Variants in KDM4B observed in about 807,000 individuals in gnomAD.
The protein encoded by KDM4B is lysine demethylase 4B.
KDM4B carries 32 observed loss-of-function variants against 125.2 expected under a neutral mutation model. The ratio of observed to expected loss-of-function variants is 0.26; its 90% CI spans 0.19 to 0.34. The LOEUF (loss-of-function observed/expected upper bound fraction) is 0.34. Among genes scored for constraint, KDM4B ranks in the 10% least tolerant of loss-of-function variants. The probability of loss-of-function intolerance (pLI) is 1.00; values close to 1 mark genes in which losing one functional copy is unlikely to be tolerated. For synonymous variants in KDM4B, 721 were observed against 677.9 expected, an observed-to-expected ratio of 1.06 and a Z score of -0.99; for missense variants, 1,190 against 1,577.7, an observed-to-expected ratio of 0.75 and a Z score of 4.16.
chr19:5,110,023 G>A (rs114323300), intron 9 of KDM4B, among the ~76,000 whole-genome samples: 4,277 of 152,320 alleles, frequency 0.028, 82 homozygotes, highest in Admixed American at 0.038. Context: ...ACAGCTGTGC[G>A]TGGGGCAGTG....
chr19:5,037,640 G>A (rs762941457), intron 3 of KDM4B, among the ~76,000 whole-genome samples: 101 of 152,308 alleles, frequency 6.6e-4, no homozygotes, highest in Non-Finnish European at 2.6e-4. Flanking sequence ...GTTTCTCTTC[G>A]CTTGGCACTG....
At chr19:5,004,901 C>T (rs775089729) in intron 1 of KDM4B, among the ~76,000 whole-genome samples, 11 of 152,122 alleles carry the variant, frequency 7.2e-5, no homozygotes, top group East Asian at 1.9e-4. Flanking sequence ...GCTTTGGTGC[C>T]GGAACCAGGA....
At chr19:4,983,133 T>C (rs1389345950) in intron 1 of KDM4B, among the ~76,000 whole-genome samples, 1 of 148,608 alleles carries the variant, frequency 6.7e-6, no homozygotes, top group African/African-American at 2.6e-5. Flanking sequence ...GCTTTTTCTT[T>C]TCTTTTTTTT....
At chr19:5,077,171 G>C in intron 7 of KDM4B, 196 bp from the exon 8 acceptor site, 1 of 606,614 alleles carries the variant, frequency 1.6e-6, no homozygotes, top group Non-Finnish European at 2.9e-6. Flanking sequence ...CTATGGGGCG[G>C]CTCCTGCGCA....
At position 5,042,492 on chromosome 19, in the gene KDM4B, C is replaced by T. The variant is rs1212806021; in HGVS notation, c.432+1241C>T. 4.8e-5 allele frequency among the ~76,000 whole-genome samples: 7 copies of T among 144,978 alleles called. No homozygotes were observed. The South Asian group carries it at 8.7e-4, about 18-fold the overall frequency. On this transcript the variant is annotated intron_variant, in intron 5 of 22. Coordinates refer to ENST00000159111, the MANE Select transcript of KDM4B (RefSeq NM_015015.3). ...CGCAGCCTGGGCAAAAATGAGACTACGTCACAAGAAAAAAAAAAAAAAAGA... is the reference window on the plus strand; with the variant it reads ...CGCAGCCTGGGCAAAAATGAGACTATGTCACAAGAAAAAAAAAAAAAAAGA...
At chr19:5,128,444 G>A (rs1458646265) in intron 11 of KDM4B, among the ~76,000 whole-genome samples, 1 of 152,046 alleles carries the variant, frequency 6.6e-6, no homozygotes, top group East Asian at 1.9e-4. Flanking sequence ...GGGGGCCTGA[G>A]TCCCAGTCCC....
chr19:5,137,668 C>T lies in KDM4B; in HGVS notation c.2433C>T (p.Thr811=), dbSNP rs750342101. Residue 811 remains threonine (T), a synonymous_variant, in exon 17 of 23, where the codon ACC becomes ACT. Transcript: ENST00000159111. Reference sequence around the variant, plus strand: ...GAGGAGGTGCGCTGCAGATGACCACCGATAGGAGGTGGGTGGCACCGCGCG... The same window carrying T: ...GAGGAGGTGCGCTGCAGATGACCACTGATAGGAGGTGGGTGGCACCGCGCG... ...NLRGGALQMT[T]DRRWIHVICA... is the part of the protein sequence containing the mutation. The T allele has an allele frequency of 5.6e-5, 89 of 1,591,282 alleles. No homozygotes were observed. The highest frequency in any genetic ancestry group is 1.7e-4 in the Middle Eastern group (1 of 5,804).
rs563166072 is a variant in KDM4B, at chr19:5,001,385, T to C, written c.-108-14872T>C. ...GCTCTGTTCATTTAGCTGTGTGTCCTGGAAACCACTTCATTGGCCAGGGAG... is the reference window on the plus strand; with the variant it reads ...GCTCTGTTCATTTAGCTGTGTGTCCCGGAAACCACTTCATTGGCCAGGGAG... On this transcript the variant is annotated intron_variant, in intron 1 of 22. Transcript: ENST00000159111. Among the ~76,000 whole-genome samples the C allele has an allele frequency of 2.0e-5, 3 of 152,298 alleles. No individual in the cohort carries two copies. The South Asian group carries it at 6.2e-4, about 32-fold the overall frequency.
At chr19:5,049,307 C>T (rs191621296) in intron 6 of KDM4B, among the ~76,000 whole-genome samples, 28 of 152,250 alleles carry the variant, frequency 1.8e-4, no homozygotes, top group African/African-American at 5.5e-4. Flanking sequence ...TCCTCTGCTT[C>T]GCCTGGTGCC....
At chr19:5,137,196 A>T in intron 15 of KDM4B, 66 bp from the exon 16 acceptor site, 16 of 1,135,332 alleles carry the variant, frequency 1.4e-5, no homozygotes, top group Non-Finnish European at 2.1e-5. Flanking sequence ...CCTCCCCCTG[A>T]GTTTCACTCG....
chr19:4,999,960 TTTAC>T (rs2035324236), intron 1 of KDM4B, among the ~76,000 whole-genome samples: 1 of 99,120 alleles, frequency 1.0e-5, no homozygotes, highest in Non-Finnish European at 2.0e-5. Flanking sequence ...CATCCACCCA[TTTAC>T]TCACCTATCC....
chr19:5,146,005 G>A (rs1031702914), intron 21 of KDM4B, among the ~76,000 whole-genome samples: 1 of 152,190 alleles, frequency 6.6e-6, no homozygotes, highest in East Asian at 1.9e-4. Flanking sequence ...TGAAATGATC[G>A]AGTGTCACTG....
At chr19:5,013,494 C>T (rs7257985) in intron 1 of KDM4B, among the ~76,000 whole-genome samples, 6,683 of 152,276 alleles carry the variant, frequency 0.044, 488 homozygotes, top group African/African-American at 0.15. Flanking sequence ...CTGACATGGG[C>T]CTCCCTGGGC....
intron 18 of KDM4B, among the ~76,000 whole-genome samples, chr19:5,138,646 G>A (rs2039690723): frequency 6.6e-6 from 1 of 151,970 alleles, no homozygotes; most frequent in South Asian, 2.1e-4. Flanking sequence ...ACAGAGCCAG[G>A]CACTGTCTCA....
intron 11 of KDM4B, among the ~76,000 whole-genome samples, chr19:5,124,967 A>G (rs1301992572): frequency 6.6e-6 from 1 of 151,230 alleles, no homozygotes; most frequent in Non-Finnish European, 1.5e-5. Flanking sequence ...TGGTGCAGTC[A>G]CGGCTCACTG....
intron 9 of KDM4B, among the ~76,000 whole-genome samples, chr19:5,091,785 G>A (rs900127431): frequency 6.6e-6 from 1 of 152,118 alleles, no homozygotes; most frequent in Non-Finnish European, 1.5e-5. Context: ...GCCCACGGAG[G>A]TGCGGGAAAC....
At chr19:5,131,613 GTGGGGCAC>G in intron 12 of KDM4B, 68 bp downstream of exon 12, 1 of 716,884 alleles carries the variant, frequency 1.4e-6, no homozygotes, top group Non-Finnish European at 2.2e-6. Context: ...GAGGGGGCAG[GTGGGGCAC>G]AGGGGAGCTG....
In KDM4B at chr19:5,150,446, G is replaced by C; in HGVS notation, c.3110G>C (p.Arg1037Pro). Reference sequence around the variant, plus strand: ...GAGCTGCCCAAGAGGGTCCGCTCTCGGCTGGTGAGTGCGCGAGGCTGGCCT... The same window carrying C: ...GAGCTGCCCAAGAGGGTCCGCTCTCCGCTGGTGAGTGCGCGAGGCTGGCCT... ...EEELPKRVRS[R>P]LSLSTGAPQE... Residue 1037 changes from arginine (R) to proline (P), a missense_variant, in exon 22 of 23, where the codon CGG (arginine) becomes CCG (proline). Physicochemically the swap from Arg to Pro is moderately radical, Grantham distance 103. Around this residue, in one of 7 missense-constraint regions of KDM4B, gnomAD observed 109 missense variants for 93.8 expected, o/e 1.16. Transcript: ENST00000159111. 6.5e-7 allele frequency: 1 copy of C among 1,549,394 alleles called. No homozygotes were observed. The highest frequency in any genetic ancestry group is 8.7e-7 in the Non-Finnish European group (1 of 1,146,128).
At chr19:5,011,332 G>T (rs974346426) in intron 1 of KDM4B, among the ~76,000 whole-genome samples, 1 of 152,176 alleles carries the variant, frequency 6.6e-6, no homozygotes. Context: ...AAGTAGGAAC[G>T]CTAACCCATG....
Sources: allele counts gnomAD v4.1 joint callset (sites outside exome capture counted in the v4.1 genomes callset), GRCh38; gene constraint gnomAD v4.1.1; regional missense constraint gnomAD v4.1.1; transcripts MANE v1.5; gene names NCBI Gene and HGNC (gene_info 2026-07-23, HGNC 2026-07-21).